Variants in ATRN observed in about 807,000 individuals in gnomAD.
ATRN encodes the protein attractin-2.
Under a neutral mutation model 178.7 loss-of-function variants are expected in ATRN, and 54 were observed. The observed-to-expected ratio is 0.30, with a 90% CI of 0.24 to 0.38. The LOEUF is 0.38. ATRN is among the 10% of genes least tolerant of loss of function. The pLI is 1.00. For missense variants in ATRN, 1,443 were observed against 1,815.1 expected, an observed-to-expected ratio of 0.79 and a Z score of 3.73; for synonymous variants, 636 against 663.0, an observed-to-expected ratio of 0.96 and a Z score of 0.63.
intron 3 of ATRN, among the ~76,000 whole-genome samples, chr20:3,542,412 C>T (rs757874556): frequency 1.3e-5 from 2 of 151,550 alleles, no homozygotes; most frequent in African/African-American, 2.4e-5. Flanking sequence ...ACAGTGGTAG[C>T]GGTGGTAGAG....
intron 24 of ATRN, among the ~76,000 whole-genome samples, chr20:3,623,469 C>T (rs561409106): frequency 6.6e-5 from 10 of 152,178 alleles, no homozygotes; most frequent in African/African-American, 2.4e-4. Flanking sequence ...ATCAAAAAAG[C>T]AAACAGTGGA....
chr20:3,518,961 A>G (rs2085244847), intron 1 of ATRN, among the ~76,000 whole-genome samples: 1 of 150,262 alleles, frequency 6.7e-6, no homozygotes, highest in Non-Finnish European at 1.5e-5. Flanking sequence ...GGTTATTTCT[A>G]ACTTTCCAAC....
At chr20:3,491,951 A>ACTTCTTTTCTTTATCTTGCCCATTG (rs2084800195) in intron 1 of ATRN, among the ~76,000 whole-genome samples, 1 of 151,994 alleles carries the variant, frequency 6.6e-6, no homozygotes, top group Non-Finnish European at 1.5e-5. Flanking sequence ...GGATCCTTAA[A>ACTTCTTTTCTTTATCTTGCCCATTG]CTTCTTTTCT....
rs1296455158 is a variant in ATRN at position 3,562,498 on chromosome 20, A to G, written c.1631+39A>G. The G allele has an allele frequency of 2.5e-6, 4 of 1,597,020 alleles. No individual in the cohort carries two copies. In the African/African-American group the frequency reaches 5.4e-5, roughly 21 times the overall value. ...CTTGAGCTTTCACTTTAAGGTGTAA[A>G]TTCTGTAGAGGCAATTGTGGAGAAA... is the stretch of plus-strand genomic sequence containing the variant. On this transcript the variant is annotated intron_variant, in intron 9 of 28. Transcript: ENST00000262919.
chr20:3,505,638 C>T lies in ATRN; in HGVS notation c.411-29615C>T, dbSNP rs555727838. ...TAAGCCTTAATGTATTGATAATTAA[C>T]TTGAACGTAAATGGACTAAATATAC... On this transcript the variant is annotated intron_variant, in intron 1 of 28. Coordinates refer to ENST00000262919, the MANE Select transcript of ATRN (RefSeq NM_139321.3). 2.0e-3 allele frequency among the ~76,000 whole-genome samples: 306 copies of T among 152,270 alleles called. 1 individual carries two copies. The highest frequency in any genetic ancestry group is 7.1e-3 in the African/African-American group (295 of 41,564).
rs530443054 is a variant in ATRN at position 3,632,981 on chromosome 20, T to G, written c.3864-1330T>G. On this transcript the variant is annotated intron_variant, in intron 25 of 28. Transcript: ENST00000262919. This position sits in a 1 kb window ranked among gnomAD's most constrained non-coding sequence, Gnocchi z 4.2. ...CTCGTCTCCACTAAAAATACAAAAA[T>G]TAGCTGGGTGTGATGGCGCACACCT... Among the ~76,000 whole-genome samples the G allele has an allele frequency of 6.6e-6, 1 of 152,152 alleles. No homozygotes were observed. Among genetic ancestry groups the G allele is most frequent in the East Asian group, 1.9e-4 (1 of 5,158 alleles).
At chr20:3,525,528 G>A (rs1000908742) in intron 1 of ATRN, among the ~76,000 whole-genome samples, 1 of 152,120 alleles carries the variant, frequency 6.6e-6, no homozygotes, top group South Asian at 2.1e-4. Context: ...GAAAAAGAGG[G>A]ACTTCCCCCT....
At chr20:3,506,057 G>GACACATACACATACACAT (rs146070756) in intron 1 of ATRN, among the ~76,000 whole-genome samples, 4 of 151,802 alleles carry the variant, frequency 2.6e-5, no homozygotes, top group African/African-American at 9.7e-5. Context: ...TTGACACACT[G>GACACATACACATACACAT]ACACATACAC....
At chr20:3,480,170 T>A (rs1439826575) in intron 1 of ATRN, among the ~76,000 whole-genome samples, 2 of 152,230 alleles carry the variant, frequency 1.3e-5, no homozygotes, top group African/African-American at 4.8e-5. Context: ...CTTCTGGGTT[T>A]ATGCTTGACC....
intron 2 of ATRN, 50 bp downstream of exon 2, chr20:3,535,386 G>A (rs773465355): frequency 5.0e-5 from 51 of 1,019,952 alleles, no homozygotes; most frequent in Non-Finnish European, 6.4e-5. Context: ...ATAGAAGTCA[G>A]TGTGACATTA....
At chr20:3,582,002 G>A (rs2086288247) in intron 15 of ATRN, 133 bp from the exon 16 acceptor site, 2 of 774,152 alleles carry the variant, frequency 2.6e-6, no homozygotes, top group Non-Finnish European at 4.1e-6. Flanking sequence ...CATTTTGGGA[G>A]GCCAAGGTGG....
Position 3,472,594 on chromosome 20 carries a change from A to G in ATRN, c.410+1077A>G, listed in dbSNP as rs182530310. On this transcript the variant is annotated intron_variant, in intron 1 of 28. Transcript: ENST00000262919. The stretch of plus-strand genomic sequence containing the variant: ...TAAATGCTATCAAGAAAATAAAAAC[A>G]GCGTGGTCTGATAGAGAATTATAAC... Among the ~76,000 whole-genome samples the G allele has an allele frequency of 2.7e-3, 409 of 152,356 alleles. 5 individuals are homozygous for G. Among genetic ancestry groups the G allele is most frequent in the African/African-American group, 9.5e-3 (394 of 41,566 alleles).
At chr20:3,572,128 T>C (rs1415100362) in intron 11 of ATRN, among the ~76,000 whole-genome samples, 1 of 152,270 alleles carries the variant, frequency 6.6e-6, no homozygotes, top group African/African-American at 2.4e-5. Context: ...TGCTTTTATC[T>C]GTTTATGATT....
chr20:3,597,412 C>T (rs1044464110), intron 21 of ATRN, among the ~76,000 whole-genome samples: 6 of 152,114 alleles, frequency 3.9e-5, no homozygotes, highest in South Asian at 2.1e-4. Flanking sequence ...ACATTAAAAA[C>T]GACTTAACAT....
intron 24 of ATRN, among the ~76,000 whole-genome samples, chr20:3,616,633 G>A (rs1459230919): frequency 6.6e-6 from 1 of 152,242 alleles, no homozygotes; most frequent in African/African-American, 2.4e-5. Context: ...ACTGGAGATT[G>A]CAGGCTGTGA....
chr20:3,569,068 C>T (rs1056881137), intron 11 of ATRN, among the ~76,000 whole-genome samples: 12 of 152,162 alleles, frequency 7.9e-5, no homozygotes, highest in Non-Finnish European at 1.5e-4. Context: ...TCTTTGCACA[C>T]ACATGCTGGT....
At chr20:3,510,289 A>G (rs1461938041) in intron 1 of ATRN, among the ~76,000 whole-genome samples, 1 of 152,184 alleles carries the variant, frequency 6.6e-6, no homozygotes. Flanking sequence ...TTTTCTTTAC[A>G]GGGCCTGATA....
intron 1 of ATRN, among the ~76,000 whole-genome samples, chr20:3,519,021 G>GAAA (rs1310146148): frequency 7.7e-6 from 1 of 130,596 alleles, no homozygotes; most frequent in Non-Finnish European, 1.7e-5. Context: ...AAAAAAAAAA[G>GAAA]AAAGAAAACT....
intron 25 of ATRN, chr20:3,629,197 C>T: frequency 1.0e-6 from 1 of 985,412 alleles, no homozygotes; most frequent in Non-Finnish European, 1.2e-6. Context: ...ACTTTGGCCC[C>T]TCCAGAATCC....
Sources: gnomAD v4.1 joint callset for allele counts (sites outside exome capture counted in the v4.1 genomes callset) on GRCh38, gnomAD v4.1.1 for gene constraint, Gnocchi (gnomAD v3.1) non-coding constraint, MANE v1.5 for transcripts, NCBI Gene and HGNC (gene_info 2026-07-23, HGNC 2026-07-21) for gene names.